DDX46: variants seen among roughly 807,000 people sequenced by gnomAD.
The protein encoded by DDX46 is DEAD-box helicase 46.
Under a neutral mutation model 134.9 loss-of-function variants are expected in DDX46, and 30 were observed. The ratio of observed to expected loss-of-function variants is 0.22; its 90% CI spans 0.17 to 0.30. The LOEUF is 0.30. Ranked by LOEUF, DDX46 falls within the 10% of genes least tolerant of loss-of-function variation. The probability of loss-of-function intolerance (pLI) is 1.00; values close to 1 mark genes in which losing one functional copy is unlikely to be tolerated. For missense variants in DDX46, 622 were observed against 1,248.7 expected, an observed-to-expected ratio of 0.50 and a Z score of 7.56; for synonymous variants, 415 against 404.1, an observed-to-expected ratio of 1.03 and a Z score of -0.32.
At chr5:134,784,299 C>A in intron 9 of DDX46, 67 bp from the exon 10 acceptor site, 1 of 1,507,110 alleles carries the variant, frequency 6.6e-7, no homozygotes. Flanking sequence ...TATGGGAACA[C>A]ATAGGACCTG....
At chr5:134,767,950 CAA>C (rs944000653) in intron 3 of DDX46, among the ~76,000 whole-genome samples, 5 of 114,896 alleles carry the variant, frequency 4.4e-5, no homozygotes, top group Admixed American at 9.1e-5. Context: ...AACTCCTTCT[CAA>C]AAAAAAAAAA....
At position 134,825,029 on chromosome 5, in the gene DDX46, A is replaced by G. The variant is rs76844618; in HGVS notation, c.2978-1918A>G. ...AATGAAAGGAAATGCCCTTTTTTTC[A>G]TAGCTGCTTATAAACATATGTAACC... On this transcript the variant is annotated intron_variant, in intron 21 of 22. Transcript: ENST00000452510. Among the ~76,000 whole-genome samples, 1,276 of 152,254 alleles carry G rather than the reference A, an allele frequency of 8.4e-3. 25 individuals are homozygous for G. The highest frequency in any genetic ancestry group is 0.029 in the African/African-American group (1,219 of 41,536).
At chr5:134,812,457 T>C (rs910926268) in intron 18 of DDX46, among the ~76,000 whole-genome samples, 1 of 151,992 alleles carries the variant, frequency 6.6e-6, no homozygotes, top group African/African-American at 2.4e-5. Flanking sequence ...TTTGGACATA[T>C]CATGTTAAAC....
intron 3 of DDX46, among the ~76,000 whole-genome samples, chr5:134,767,872 C>T (rs1753626836): frequency 6.6e-6 from 1 of 151,322 alleles, no homozygotes; most frequent in Non-Finnish European, 1.5e-5. Flanking sequence ...ATCGCTTGAA[C>T]CCAGGAGGCA....
Position 134,773,820 on chromosome 5 carries a change from A to G in DDX46, c.572A>G (p.Glu191Gly). 1 of 1,611,944 alleles carries G rather than the reference A, an allele frequency of 6.2e-7. No homozygotes were observed. Among genetic ancestry groups the G allele is most frequent in the Non-Finnish European group, 8.5e-7 (1 of 1,179,376 alleles). Residue 191 changes from glutamate (E) to glycine (G), a missense_variant, in exon 5 of 23, where the codon GAG (glutamate) becomes GGG (glycine). Around this residue, in one of 8 missense-constraint regions of DDX46, gnomAD observed 244 missense variants for 349.3 expected, o/e 0.70. Transcript: ENST00000452510. ...GGAGAACTGAAAAAGGAAATCGAAG[A>G]GATGAAACAAGGGAAAAAGTGGAGT... Reference protein sequence around the residue: ...NIGELKKEIEEMKQGKKWSLE... With the variant: ...NIGELKKEIEGMKQGKKWSLE...
chr5:134,773,962 A>G (rs868570022), intron 5 of DDX46, 101 bp downstream of exon 5: 3 of 1,157,922 alleles, frequency 2.6e-6, no homozygotes, highest in Non-Finnish European at 2.3e-6. Flanking sequence ...GTTGAAAACT[A>G]TGCATAATAT....
At position 134,758,911 on chromosome 5, in the gene DDX46, G is replaced by A; in HGVS notation, c.-28G>A. On this transcript the variant is annotated 5_prime_UTR_variant, in exon 1 of 23. Coordinates refer to ENST00000452510, the MANE Select transcript of DDX46 (RefSeq NM_001300860.2). ...CGGTTCGCCTGTGCGTGGTACTCAA[G>A]GGCACCAGTATTCCCGCGGTCGGCA... is the stretch of plus-strand genomic sequence containing the variant. The A allele has an allele frequency of 6.2e-7, 1 of 1,613,712 alleles. No homozygotes were observed. The highest frequency in any genetic ancestry group is 8.5e-7 in the Non-Finnish European group (1 of 1,179,872).
chr5:134,762,457 G>A (rs1753417786), intron 1 of DDX46, among the ~76,000 whole-genome samples: 1 of 151,934 alleles, frequency 6.6e-6, no homozygotes, highest in Non-Finnish European at 1.5e-5. Flanking sequence ...GGCTGCATGC[G>A]GTGGCTCATG....
Position 134,770,979 on chromosome 5 carries a change from G to A in DDX46, c.427G>A (p.Glu143Lys). The part of the protein sequence containing the change: ...KKKDKDDKED[E>K]KEKDAGNFDQ... ...AAAAGACAAAGATGACAAGGAGGATGAAAAAGAAAAAGATGCTGGCGTATG... is the reference window on the plus strand; with the variant it reads ...AAAAGACAAAGATGACAAGGAGGATAAAAAAGAAAAAGATGCTGGCGTATG... The change falls in exon 4 of 23, where the codon GAA becomes AAA. Residue 143 changes from glutamate to lysine, a missense_variant. Physicochemically the swap from Glu to Lys is moderately conservative, Grantham distance 56. Transcript: ENST00000452510. 7.5e-7 allele frequency: 1 copy of A among 1,340,682 alleles called. No homozygotes were observed. Among genetic ancestry groups the A allele is most frequent in the Non-Finnish European group, 1.1e-6 (1 of 948,322 alleles). 83.0% of individuals were successfully genotyped at this position (1,340,682 alleles called of 1,614,324 possible).
intron 15 of DDX46, among the ~76,000 whole-genome samples, chr5:134,805,617 C>T (rs747282977): frequency 6.6e-6 from 1 of 151,874 alleles, no homozygotes; most frequent in African/African-American, 2.4e-5. Flanking sequence ...CAATTTCCAC[C>T]TCCCAGGTTC....
At chr5:134,779,119 A>T (rs1275581473) in intron 6 of DDX46, among the ~76,000 whole-genome samples, 15 of 151,322 alleles carry the variant, frequency 9.9e-5, no homozygotes, top group Admixed American at 9.9e-4. Context: ...CTGGTCTCGA[A>T]CTCCTGACCT....
chr5:134,797,423 C>G (rs1028328150), intron 15 of DDX46, among the ~76,000 whole-genome samples: 1 of 152,206 alleles, frequency 6.6e-6, no homozygotes, highest in South Asian at 2.1e-4. Flanking sequence ...ATCTACCTCA[C>G]TTTATGTGGC....
intron 10 of DDX46, 48 bp downstream of exon 10, chr5:134,784,589 C>G (rs374147589): frequency 6.9e-5 from 105 of 1,525,354 alleles, no homozygotes; most frequent in Non-Finnish European, 8.8e-5. Context: ...GCTTTGTTGT[C>G]AAACAGAAAG....
At position 134,771,285 on chromosome 5, in the gene DDX46, G is replaced by A. The variant is rs189707991; in HGVS notation, c.447+286G>A. Among the ~76,000 whole-genome samples the A allele has an allele frequency of 3.7e-3, 556 of 151,198 alleles. 3 individuals are homozygous for A. Among genetic ancestry groups the A allele is most frequent in the African/African-American group, 0.013 (532 of 41,384 alleles). On this transcript the variant is annotated intron_variant, in intron 4 of 22. Transcript: ENST00000452510. The stretch of plus-strand genomic sequence containing the variant: ...AATTTTTGTATTTTTAGTAGAGATG[G>A]GGTTTCACTGTGTTGGCCAGGCTGG...
chr5:134,792,001 A>T (rs1754517504), intron 13 of DDX46, among the ~76,000 whole-genome samples: 1 of 152,048 alleles, frequency 6.6e-6, no homozygotes, highest in Admixed American at 6.6e-5. Context: ...ACATCGTGAA[A>T]CCCCGTTTCT....
chr5:134,818,925 AATTAC>A lies in DDX46; in HGVS notation c.2900_2904del (p.Ile967AsnfsTer24). 1 of 1,614,034 alleles carries A rather than the reference AATTAC, an allele frequency of 6.2e-7. No homozygotes were observed. The highest frequency in any genetic ancestry group is 8.5e-7 in the Non-Finnish European group (1 of 1,179,982). On this transcript the variant is annotated frameshift_variant, in exon 21 of 23. Transcript: ENST00000452510. LOFTEE classifies it high-confidence loss of function. ...GAATCAGTGAATACTCTGAAGCCGC[AATTAC>A]AATCAGAGGAACCTACTTCCCTCCT...
At chr5:134,817,338 T>C in intron 19 of DDX46, 158 bp from the exon 20 acceptor site, 1 of 661,768 alleles carries the variant, frequency 1.5e-6, no homozygotes, top group Non-Finnish European at 2.5e-6. Context: ...AAATATATAT[T>C]GCTAAATCAC....
chr5:134,808,769 G>A (rs986450984), intron 16 of DDX46, among the ~76,000 whole-genome samples: 3 of 152,102 alleles, frequency 2.0e-5, no homozygotes, highest in Non-Finnish European at 4.4e-5. Flanking sequence ...TCTAGAGGCA[G>A]CAGACTAGTC....
intron 15 of DDX46, among the ~76,000 whole-genome samples, chr5:134,798,844 A>G (rs1334622529): frequency 6.6e-6 from 1 of 152,356 alleles, no homozygotes; most frequent in South Asian, 2.1e-4. Flanking sequence ...ATTCCATTGT[A>G]TGTATATACA....
Sources: gnomAD v4.1 joint callset for allele counts (sites outside exome capture counted in the v4.1 genomes callset) on GRCh38, gnomAD v4.1.1 for gene constraint, gnomAD v4.1.1 regional missense constraint, MANE v1.5 for transcripts, NCBI Gene and HGNC (gene_info 2026-07-23, HGNC 2026-07-21) for gene names.